Variants in ITPK1 observed in about 807,000 individuals in gnomAD.
ITPK1 encodes inositol-tetrakisphosphate 1-kinase.
Under a neutral mutation model 45.3 loss-of-function variants are expected in ITPK1, and 21 were observed. The observed-to-expected ratio is 0.46, with a 90% CI of 0.33 to 0.67. The LOEUF (loss-of-function observed/expected upper bound fraction) is 0.67, where lower values mean the gene tolerates loss of function less well. ITPK1 is among the 30% of genes least tolerant of loss of function. ITPK1 has a pLI of 0.02. For synonymous variants in ITPK1, 258 were observed against 253.6 expected (o/e 1.02, Z -0.16); for missense variants, 474 against 573.5 (o/e 0.83, Z 1.77).
At chr14:93,095,368 A>G (rs941831594) in intron 2 of ITPK1, among the ~76,000 whole-genome samples, 1 of 152,232 alleles carries the variant, frequency 6.6e-6, no homozygotes, top group Admixed American at 6.5e-5. Context: ...TCCTACAGAC[A>G]AAGAAACAGG....
In ITPK1 at chr14:93,030,839, C is replaced by A. The variant is rs1889008289; in HGVS notation, c.121-14038G>T. On this transcript the variant is annotated intron_variant, in intron 3 of 10. Transcript: ENST00000267615. ...GAGGTCATTCCAGAGCAGGTAGGTC[C>A]CTAGTCCACGATGACTGGTGCTCCT... Among the ~76,000 whole-genome samples, 3 of 152,258 alleles carry A rather than the reference C, an allele frequency of 2.0e-5. No homozygotes were observed. In the South Asian group the frequency reaches 6.2e-4, roughly 32 times the overall value.
At chr14:93,088,292 C>A (rs1164724433) in intron 2 of ITPK1, among the ~76,000 whole-genome samples, 1 of 151,826 alleles carries the variant, frequency 6.6e-6, no homozygotes, top group Non-Finnish European at 1.5e-5. Context: ...ATCTCAGCAA[C>A]CACTGGGTGG....
chr14:93,053,952 T>C (rs1210633968), intron 3 of ITPK1, among the ~76,000 whole-genome samples: 1 of 152,116 alleles, frequency 6.6e-6, no homozygotes, highest in African/African-American at 2.4e-5. Context: ...TCTGGGAAGA[T>C]TCTAGATGGA....
intron 2 of ITPK1, among the ~76,000 whole-genome samples, chr14:93,077,816 G>A (rs2139985995): frequency 1.3e-5 from 2 of 152,296 alleles, no homozygotes; most frequent in East Asian, 3.9e-4. Context: ...TTGTTCTGGG[G>A]TATTGATTGC....
chr14:93,093,353 A>T (rs1891939714), intron 2 of ITPK1, among the ~76,000 whole-genome samples: 1 of 152,126 alleles, frequency 6.6e-6, no homozygotes, highest in Admixed American at 6.5e-5. Context: ...TTTGTGTTAT[A>T]ACTGCACTAG....
intron 4 of ITPK1, among the ~76,000 whole-genome samples, chr14:93,011,765 A>C (rs1379239295): frequency 6.6e-6 from 1 of 152,142 alleles, no homozygotes. Flanking sequence ...CCTGGGCTCC[A>C]AAGAGTAAAC....
At chr14:93,066,082 T>TA (rs1890731913) in intron 3 of ITPK1, 1 of 309,062 alleles carries the variant, frequency 3.2e-6, no homozygotes. Context: ...ACATATTACT[T>TA]AATGAGCAAA....
chr14:92,966,712 T>A (rs887480678), intron 5 of ITPK1, among the ~76,000 whole-genome samples: 23 of 152,334 alleles, frequency 1.5e-4, no homozygotes, highest in African/African-American at 5.5e-4. Flanking sequence ...GCTACAGTAA[T>A]TGAGGCAATG....
At position 92,939,770 on chromosome 14, in the gene ITPK1, T is replaced by C. The variant is rs934862024; in HGVS notation, c.*1791A>G. 9.1e-6 allele frequency: 9 copies of C among 985,680 alleles called. No homozygotes were observed. The highest frequency in any genetic ancestry group is 1.1e-5 in the Non-Finnish European group (9 of 829,960). The allele number at this position is 985,680 out of a possible 1,614,324, so 61.1% of individuals were successfully genotyped here. ...AGGCAGACTGGGATTGAAATTTTATTTTTAAAAGGTAAAGCTGTTTTATTA... is the reference window on the plus strand; with the variant it reads ...AGGCAGACTGGGATTGAAATTTTATCTTTAAAAGGTAAAGCTGTTTTATTA... On this transcript the variant is annotated 3_prime_UTR_variant, in exon 11 of 11. Transcript: ENST00000267615.
At position 92,940,515 on chromosome 14, in the gene ITPK1, C is replaced by T. The variant is rs988572282; in HGVS notation, c.*1046G>A. On this transcript the variant is annotated 3_prime_UTR_variant, in exon 11 of 11. Coordinates refer to ENST00000267615, the MANE Select transcript of ITPK1 (RefSeq NM_014216.6). ...GGCTTGCAATGAGAGGTGGACCAGG[C>T]CTGCTGGGTGAGGAGGGACCCAGCA... 1.6e-5 allele frequency: 19 copies of T among 1,163,516 alleles called. No homozygotes were observed. The highest frequency in any genetic ancestry group is 2.0e-5 in the Non-Finnish European group (19 of 929,336). The allele number at this position is 1,163,516 out of a possible 1,614,324, so 72.1% of individuals were successfully genotyped here.
At position 93,034,630 on chromosome 14, in the gene ITPK1, G is replaced by C. The variant is rs1389638020; in HGVS notation, c.121-17829C>G. On this transcript the variant is annotated intron_variant, in intron 3 of 10. Transcript: ENST00000267615. This position sits in a 1 kb window ranked among gnomAD's most constrained non-coding sequence, Gnocchi z 4.1. Reference sequence around the variant, plus strand: ...CCTCCCACATCCTGCATGAAGGTGGGGACTCAGTGAAAGCCTATGGCTAAG... The same window carrying C: ...CCTCCCACATCCTGCATGAAGGTGGCGACTCAGTGAAAGCCTATGGCTAAG... Among the ~76,000 whole-genome samples the C allele has an allele frequency of 1.3e-5, 2 of 152,232 alleles. No individual in the cohort carries two copies. The highest frequency in any genetic ancestry group is 2.4e-5 in the African/African-American group (1 of 41,458).
At chr14:93,088,341 GTTTTTTTT>G (rs1179019290) in intron 2 of ITPK1, among the ~76,000 whole-genome samples, 1 of 132,722 alleles carries the variant, frequency 7.5e-6, no homozygotes, top group Non-Finnish European at 1.6e-5. Context: ...GTTTTGTTTT[GTTTTTTTT>G]TTTTTTTTGA....
intron 5 of ITPK1, among the ~76,000 whole-genome samples, chr14:92,989,459 G>A (rs1293457752): frequency 6.6e-6 from 1 of 152,134 alleles, no homozygotes; most frequent in East Asian, 1.9e-4. Context: ...ACAAACCCAC[G>A]CCATGCAATT....
chr14:93,095,511 C>T (rs576872108), intron 2 of ITPK1, among the ~76,000 whole-genome samples: 13 of 137,414 alleles, frequency 9.5e-5, no homozygotes, highest in Non-Finnish European at 1.8e-4. Context: ...CGCTCCAGGA[C>T]ACAGTCACAC....
chr14:93,107,275 T>G (rs1169001543), intron 2 of ITPK1, among the ~76,000 whole-genome samples: 1 of 152,186 alleles, frequency 6.6e-6, no homozygotes, highest in African/African-American at 2.4e-5. Flanking sequence ...GATTCTTTTT[T>G]GAGCTCCTAT....
At chr14:93,017,325 T>C (rs1164110756) in intron 3 of ITPK1, among the ~76,000 whole-genome samples, 1 of 152,228 alleles carries the variant, frequency 6.6e-6, no homozygotes, top group Non-Finnish European at 1.5e-5. Flanking sequence ...ATCTAGAAAT[T>C]GCCGCTTTGA....
intron 9 of ITPK1, among the ~76,000 whole-genome samples, chr14:92,951,603 G>C (rs529542622): frequency 6.6e-6 from 1 of 152,302 alleles, no homozygotes; most frequent in Non-Finnish European, 1.5e-5. Flanking sequence ...TCAGGAACAA[G>C]GCAGATTAGA....
chr14:93,017,132 T>C (rs1485847833), intron 3 of ITPK1, among the ~76,000 whole-genome samples: 1 of 152,198 alleles, frequency 6.6e-6, no homozygotes, highest in Admixed American at 6.5e-5. Flanking sequence ...AGGCAAGTGA[T>C]GCTGAGAAAT....
intron 3 of ITPK1, among the ~76,000 whole-genome samples, chr14:93,061,050 A>G (rs1301740767): frequency 6.6e-6 from 1 of 152,228 alleles, no homozygotes; most frequent in Non-Finnish European, 1.5e-5. Flanking sequence ...GACTGGCTCC[A>G]TACCACTAGG....
Sources: allele counts gnomAD v4.1 joint callset (sites outside exome capture counted in the v4.1 genomes callset), GRCh38; gene constraint gnomAD v4.1.1; non-coding constraint Gnocchi (gnomAD v3.1); transcripts MANE v1.5; gene names NCBI Gene and HGNC (gene_info 2026-07-23, HGNC 2026-07-21).